The following ETV7 variants were observed in gnomAD, a reference collection of about 807,000 sequenced individuals.
ETV7 encodes the protein ETS variant transcription factor 7.
A neutral mutation model predicts 39.1 loss-of-function variants in ETV7; 43 were observed. The observed-to-expected ratio is 1.10, with a 90% confidence interval of 0.86 to 1.42. The LOEUF is 1.42. ETV7 is among the 40% of genes most tolerant of loss of function. ETV7 has a pLI of 0.00. For synonymous variants in ETV7, 196 were observed against 176.6 expected (o/e 1.11, Z -0.87); for missense variants, 432 against 442.3 (o/e 0.98, Z 0.21).
In ETV7 at chr6:36,385,624, G is replaced by A; in HGVS notation, c.52C>T (p.Pro18Ser). 1.2e-6 allele frequency: 2 copies of A among 1,614,130 alleles called. No individual in the cohort carries two copies. The highest frequency in any genetic ancestry group is 1.7e-6 in the Non-Finnish European group (2 of 1,180,004). Residue 18 changes from proline (P) to serine (S), a missense_variant, in exon 2 of 8, where the codon CCT (proline) becomes TCT (serine). By Grantham distance (74) the Pro-to-Ser change is moderately conservative. Transcript: ENST00000340181. ...GCTTGCACGTGGGTGCCTAGGGGAGGCATGGCTGCCACAGGGCTTATAGGA... is the reference window on the plus strand; with the variant it reads ...GCTTGCACGTGGGTGCCTAGGGGAGACATGGCTGCCACAGGGCTTATAGGA... ...ISPISPVAAM[P>S]PLGTHVQARC... is the part of the protein sequence containing the mutation.
intron 2 of ETV7, among the ~76,000 whole-genome samples, chr6:36,380,051 A>G (rs1467773197): frequency 6.6e-6 from 1 of 152,212 alleles, no homozygotes; most frequent in South Asian, 2.1e-4. Context: ...GGATGCTTTC[A>G]GATAACCCAT....
rs902339034 is a variant in ETV7, at chr6:36,373,501, T to A, written c.385A>T (p.Ile129Phe). 13 of 1,489,444 alleles carry A rather than the reference T, an allele frequency of 8.7e-6. 1 individual carries two copies. The Admixed American group carries it at 1.6e-4, about 18-fold the overall frequency. The allele number at this position is 1,489,444 out of a possible 1,614,324, so 92.3% of individuals were successfully genotyped here. A position where few individuals can be genotyped will look rare whatever the true frequency, so the allele number is the denominator to read the frequency against. The part of the protein sequence containing the change: ...ALVCGPFFGG[I>F]FRLKTPTQHS... ...TGGGTGGGCGTCTTCAGCCTGAAGA[T>A]CCCTCCAAAAAAGGGCCCACACACC... is the stretch of plus-strand genomic sequence containing the variant. Residue 129 changes from isoleucine (I) to phenylalanine (F), a missense_variant, in exon 4 of 8, where the codon ATC becomes TTC. Transcript: ENST00000340181.
chr6:36,371,188 C>A, intron 5 of ETV7, 142 bp downstream of exon 5: 1 of 825,780 alleles, frequency 1.2e-6, no homozygotes, highest in Non-Finnish European at 2.0e-6. Flanking sequence ...GGCTAGCACA[C>A]AGGACAGTCA....
chr6:36,366,934 C>T lies in ETV7; in HGVS notation c.849G>A (p.Leu283=). ...TGATATTAAGCTTATAATAGTGGCGCAGGGCACGAGACATCTTCTCGTAGG... is the reference window on the plus strand; with the variant it reads ...TGATATTAAGCTTATAATAGTGGCGTAGGGCACGAGACATCTTCTCGTAGG... ...NMTYEKMSRA[L]RHYYKLNIIK... The change falls in exon 7 of 8, where the codon CTG becomes CTA. Residue 283 remains leucine (L), a synonymous_variant. Coordinates refer to ENST00000340181, the MANE Select transcript of ETV7 (RefSeq NM_016135.4). 1.2e-6 allele frequency: 2 copies of T among 1,614,024 alleles called. No homozygotes were observed. The highest frequency in any genetic ancestry group is 1.7e-6 in the Non-Finnish European group (2 of 1,180,016).
In ETV7 at chr6:36,385,644, ATAGGAGAAATAGCCAATTCTCCCTCC is replaced by A. The variant is rs748307232; in HGVS notation, c.7-1_31del. The A allele has an allele frequency of 1.9e-6, 3 of 1,613,272 alleles. No individual in the cohort carries two copies. The African/African-American group carries it at 4.0e-5, about 22-fold the overall frequency. On this transcript the variant is annotated splice_acceptor_variant and coding_sequence_variant, in exon 2 of 8. Coordinates refer to ENST00000340181, the MANE Select transcript of ETV7 (RefSeq NM_016135.4). LOFTEE classifies it high-confidence loss of function. ...GGGAGGCATGGCTGCCACAGGGCTT[ATAGGAGAAATAGCCAATTCTCCCTCC>A]TAGAGAGAGAAAAACCAGGACAGTC...
chr6:36,367,077 A>T lies in ETV7; in HGVS notation c.808-102T>A, dbSNP rs567910202. 686 of 876,262 alleles carry T rather than the reference A, an allele frequency of 7.8e-4. 4 individuals carry two copies. Among genetic ancestry groups the T allele is most frequent in the South Asian group, 3.2e-3 (222 of 70,342 alleles). 54.3% of individuals were successfully genotyped at this position (876,262 alleles called of 1,614,324 possible). A position where few individuals can be genotyped will look rare whatever the true frequency, so the allele number is the denominator to read the frequency against. On this transcript the variant is annotated intron_variant, in intron 6 of 7. Coordinates refer to ENST00000340181, the MANE Select transcript of ETV7 (RefSeq NM_016135.4). Reference sequence around the variant, plus strand: ...GACTGGACAGCTTCTTAAGCCTCTCATTCCAGGGATCTGTGAGGGTTTATG... The same window carrying T: ...GACTGGACAGCTTCTTAAGCCTCTCTTTCCAGGGATCTGTGAGGGTTTATG...
chr6:36,354,600 C>T (rs1476830310), exon 8 of ETV7: 1 of 687,890 alleles, frequency 1.5e-6, no homozygotes, highest in Admixed American at 2.2e-5. Flanking sequence ...GTGGGTCCTC[C>T]AACTTTGTTT....
chr6:36,375,495 T>C (rs1251401405), intron 3 of ETV7, among the ~76,000 whole-genome samples: 1 of 152,212 alleles, frequency 6.6e-6, no homozygotes. Context: ...CACCCATTTA[T>C]ACCTCAGTGT....
At chr6:36,369,485 C>A (rs1241734155) in intron 5 of ETV7, among the ~76,000 whole-genome samples, 1 of 152,212 alleles carries the variant, frequency 6.6e-6, no homozygotes, top group Non-Finnish European at 1.5e-5. Context: ...CTCACTCAGC[C>A]CCCTGGACTT....
At chr6:36,374,348 C>T (rs1489097805) in intron 3 of ETV7, among the ~76,000 whole-genome samples, 1 of 146,926 alleles carries the variant, frequency 6.8e-6, no homozygotes, top group Non-Finnish European at 1.5e-5. Context: ...TAGAGTGAGA[C>T]CCTGTCTCAA....
At chr6:36,355,915 C>T (rs891836613) in intron 7 of ETV7, among the ~76,000 whole-genome samples, 1 of 152,182 alleles carries the variant, frequency 6.6e-6, no homozygotes, top group African/African-American at 2.4e-5. Flanking sequence ...TTAAAAACCT[C>T]TCATTACAGG....
At chr6:36,370,774 C>A (rs1772977770) in intron 5 of ETV7, among the ~76,000 whole-genome samples, 1 of 152,094 alleles carries the variant, frequency 6.6e-6, no homozygotes, top group Non-Finnish European at 1.5e-5. Flanking sequence ...TGGTTGTCTG[C>A]CTGTTAATCC....
intron 2 of ETV7, among the ~76,000 whole-genome samples, chr6:36,379,392 T>G (rs1052103263): frequency 6.6e-6 from 1 of 151,768 alleles, no homozygotes; most frequent in African/African-American, 2.4e-5. Flanking sequence ...AACAAAAAAA[T>G]TTTTTTTAAT....
At position 36,375,981 on chromosome 6, in the gene ETV7, G is replaced by A. The variant is rs1443973557; in HGVS notation, c.197C>T (p.Ala66Val). The change falls in exon 3 of 8, where the codon GCA becomes GTA. Residue 66 changes from alanine to valine, a missense_variant. Physicochemically the swap from Ala to Val is moderately conservative, Grantham distance 64. Transcript: ENST00000340181. ...REDVLHWLRW[A>V]EQEYSLPCTA... ...GCATGGCAGAGAGTACTCCTGCTCTGCCCAGCGCAGCCAGTGCAGCACGTC... is the reference window on the plus strand; with the variant it reads ...GCATGGCAGAGAGTACTCCTGCTCTACCCAGCGCAGCCAGTGCAGCACGTC... 5 of 1,611,792 alleles carry A rather than the reference G, an allele frequency of 3.1e-6. No individual in the cohort carries two copies. Among genetic ancestry groups the A allele is most frequent in the Non-Finnish European group, 4.2e-6 (5 of 1,180,006 alleles).
chr6:36,356,285 T>C (rs533974542), intron 7 of ETV7, among the ~76,000 whole-genome samples: 1 of 142,550 alleles, frequency 7.0e-6, no homozygotes, highest in Non-Finnish European at 1.5e-5. Context: ...GATGGCACCA[T>C]TGCACTCCAG....
intron 3 of ETV7, 117 bp downstream of exon 3, chr6:36,375,754 A>G: frequency 5.3e-6 from 8 of 1,521,280 alleles, no homozygotes; most frequent in Non-Finnish European, 7.2e-6. Context: ...GCTGGAAATG[A>G]GCATGATTCC....
chr6:36,381,634 T>C (rs748341356), intron 2 of ETV7, among the ~76,000 whole-genome samples: 2 of 152,192 alleles, frequency 1.3e-5, no homozygotes, highest in African/African-American at 2.4e-5. Context: ...CAGAGACTCC[T>C]TAAATCTGTC....
At chr6:36,373,627 G>A in intron 3 of ETV7, 49 bp from the exon 4 acceptor site, 1 of 1,500,924 alleles carries the variant, frequency 6.7e-7, no homozygotes, top group Non-Finnish European at 8.9e-7. Context: ...GCCACGTGGG[G>A]AGGGCCAGCC....
Position 36,366,225 on chromosome 6 carries a change from C to T in ETV7, c.*420G>A. 3 of 1,021,522 alleles carry T rather than the reference C, an allele frequency of 2.9e-6. No individual in the cohort carries two copies. Among genetic ancestry groups the T allele is most frequent in the Non-Finnish European group, 3.5e-6 (3 of 851,384 alleles). 63.3% of individuals were successfully genotyped at this position (1,021,522 alleles called of 1,614,324 possible). Reference sequence around the variant, plus strand: ...ACCATTGTTTTTATTGTTACTGAGGCTGTCAGTGCCGCCTGGAAGCACTAA... The same window carrying T: ...ACCATTGTTTTTATTGTTACTGAGGTTGTCAGTGCCGCCTGGAAGCACTAA... On this transcript the variant is annotated 3_prime_UTR_variant, in exon 8 of 8. Coordinates refer to ENST00000340181, the MANE Select transcript of ETV7 (RefSeq NM_016135.4).
Sources: allele counts gnomAD v4.1 joint callset (sites outside exome capture counted in the v4.1 genomes callset), GRCh38; gene constraint gnomAD v4.1.1; transcripts MANE v1.5; gene names NCBI Gene and HGNC (gene_info 2026-07-23, HGNC 2026-07-21).